The following ALMS1 variants were observed in gnomAD, a reference collection of about 807,000 sequenced individuals.
ALMS1 encodes centrosome-associated protein ALMS1.
A neutral mutation model predicts 352.2 loss-of-function variants in ALMS1; 271 were observed. That is an observed-to-expected ratio of 0.77 (90% CI 0.70 to 0.85). ALMS1 has a LOEUF of 0.85. Among genes scored for constraint, ALMS1 ranks in the 40% least tolerant of loss-of-function variants. The pLI, the probability that ALMS1 is intolerant of heterozygous loss-of-function variation, is 0.00. For synonymous variants in ALMS1, 1,865 were observed against 1,761.2 expected, an observed-to-expected ratio of 1.06 and a Z score of -1.48; for missense variants, 5,445 against 4,870.7, an observed-to-expected ratio of 1.12 and a Z score of -3.51.
intron 7 of ALMS1, among the ~76,000 whole-genome samples, chr2:73,442,915 A>G (rs951643683): frequency 1.3e-5 from 2 of 152,190 alleles, no homozygotes; most frequent in African/African-American, 2.4e-5. Context: ...AATGGAGCCA[A>G]TCATCTCTTT....
Position 73,479,262 on chromosome 2 carries a change from T to C in ALMS1, c.7675-10372T>C, listed in dbSNP as rs143973635. Among the ~76,000 whole-genome samples, 108 of 152,310 alleles carry C rather than the reference T, an allele frequency of 7.1e-4. 3 individuals are homozygous for C. The East Asian group carries it at 0.019, about 27-fold the overall frequency. ...CCCAAGTGGTAACATCTTGCATAAC[T>C]GTGGTGATATATCACAACCACAACG... is the stretch of plus-strand genomic sequence containing the variant. On this transcript the variant is annotated intron_variant, in intron 9 of 22. Transcript: ENST00000613296.
chr2:73,386,073 G>A lies in ALMS1; in HGVS notation c.205G>A (p.Asp69Asn), dbSNP rs1376789016. Residue 69 changes from aspartate to asparagine, a missense_variant, in exon 1 of 23, where the codon GAC (aspartate) becomes AAC (asparagine). Physicochemically the swap from Asp to Asn is conservative, Grantham distance 23. Coordinates refer to ENST00000613296, the MANE Select transcript of ALMS1 (RefSeq NM_001378454.1). ...CGGGCCCCAGCATCTGGAAAGTATA[G>A]ACGACGAGGAGGACGAGGAGGCCAA... ...HYGPQHLESI[D>N]DEEDEEAKAW... The A allele has an allele frequency of 6.3e-7, 1 of 1,596,072 alleles. No homozygotes were observed. Among genetic ancestry groups the A allele is most frequent in the East Asian group, 2.3e-5 (1 of 43,814 alleles).
At chr2:73,390,034 G>A (rs1476798410) in intron 1 of ALMS1, among the ~76,000 whole-genome samples, 1 of 152,086 alleles carries the variant, frequency 6.6e-6, no homozygotes, top group Non-Finnish European at 1.5e-5. Context: ...ACTTCTGAGA[G>A]CCCAGAGTAT....
chr2:73,505,031 T>C (rs1460215237), intron 10 of ALMS1, among the ~76,000 whole-genome samples: 2 of 152,218 alleles, frequency 1.3e-5, no homozygotes, highest in East Asian at 1.9e-4. Context: ...GCTTCATCCA[T>C]GTCCCTCCAA....
At chr2:73,392,051 A>T (rs1172747609) in intron 1 of ALMS1, among the ~76,000 whole-genome samples, 2 of 151,624 alleles carry the variant, frequency 1.3e-5, no homozygotes, top group African/African-American at 4.8e-5. Flanking sequence ...CTCTGTGGTT[A>T]TTTTCACTTC....
chr2:73,528,245 A>G (rs1246537423), intron 11 of ALMS1, among the ~76,000 whole-genome samples: 1 of 152,104 alleles, frequency 6.6e-6, no homozygotes, highest in Non-Finnish European at 1.5e-5. Context: ...ATGTTCTGTA[A>G]ATATCTATTA....
chr2:73,391,440 C>T (rs1327091304), intron 1 of ALMS1, among the ~76,000 whole-genome samples: 1 of 151,508 alleles, frequency 6.6e-6, no homozygotes, highest in Non-Finnish European at 1.5e-5. Flanking sequence ...ACTACAGGCG[C>T]CCGCCACCAC....
At chr2:73,458,233 C>T (rs934559567) in intron 9 of ALMS1, 5 of 152,028 alleles carry the variant, frequency 3.3e-5, no homozygotes, top group Admixed American at 6.6e-5. Flanking sequence ...ATATTGGCCA[C>T]ACTGTGTACG....
At chr2:73,390,901 G>A (rs1216046846) in intron 1 of ALMS1, among the ~76,000 whole-genome samples, 1 of 152,022 alleles carries the variant, frequency 6.6e-6, no homozygotes, top group African/African-American at 2.4e-5. Flanking sequence ...CTCCGCAGTA[G>A]CTGGGACTAC....
At chr2:73,521,917 A>G (rs1002817228) in intron 11 of ALMS1, among the ~76,000 whole-genome samples, 1 of 152,174 alleles carries the variant, frequency 6.6e-6, no homozygotes, top group Non-Finnish European at 1.5e-5. Context: ...AAATTTTATG[A>G]GGTGTTTTTT....
chr2:73,444,899 AATT>A (rs1671776874), intron 7 of ALMS1, among the ~76,000 whole-genome samples: 1 of 152,182 alleles, frequency 6.6e-6, no homozygotes, highest in Non-Finnish European at 1.5e-5. Context: ...ACACAATTAT[AATT>A]ATTTAGTTAT....
At chr2:73,446,965 T>C (rs1411684140) in intron 7 of ALMS1, among the ~76,000 whole-genome samples, 1 of 152,184 alleles carries the variant, frequency 6.6e-6, no homozygotes, top group Non-Finnish European at 1.5e-5. Context: ...TCAATCATCT[T>C]AACACCATCT....
rs747436819 is a variant in ALMS1, at chr2:73,568,995, C to CTTTTTTTTT, written c.10385-3238_10385-3230dup. The stretch of plus-strand genomic sequence containing the variant: ...AGCTTGCTTGCTGCTGCTTCTGCTT[C>CTTTTTTTTT]TTTTTTTTTTTTTTTTTTTTTTTTT... On this transcript the variant is annotated intron_variant, in intron 15 of 22. Transcript: ENST00000613296. Among the ~76,000 whole-genome samples, 149 of 53,554 alleles carry CTTTTTTTTT rather than the reference C, an allele frequency of 2.8e-3. 44 individuals are homozygous for CTTTTTTTTT. The highest frequency in any genetic ancestry group is 3.5e-3 in the East Asian group (7 of 1,976). 35.1% of individuals were successfully genotyped at this position (53,554 alleles called of 152,430 possible).
At position 73,491,413 on chromosome 2, in the gene ALMS1, A is replaced by G. The variant is rs761831256; in HGVS notation, c.9454A>G (p.Ile3152Val). Residue 3152 changes from isoleucine (I) to valine (V), a missense_variant, in exon 10 of 23, where the codon ATA (isoleucine) becomes GTA (valine). By Grantham distance (29) the Ile-to-Val change is conservative (BLOSUM62 3). Coordinates refer to ENST00000613296, the MANE Select transcript of ALMS1 (RefSeq NM_001378454.1). ...AACCATACCTTCTCAGAATAGCCAG[A>G]TAGTAACCTCCAGGCAAATACAAGT... ...LKTIPSQNSQ[I>V]VTSRQIQVNI... 1.2e-5 allele frequency: 19 copies of G among 1,614,016 alleles called. No individual in the cohort carries two copies. The highest frequency in any genetic ancestry group is 1.5e-5 in the Non-Finnish European group (18 of 1,179,994).
intron 10 of ALMS1, among the ~76,000 whole-genome samples, chr2:73,507,220 G>A (rs1673346054): frequency 6.6e-6 from 1 of 152,136 alleles, no homozygotes; most frequent in Admixed American, 6.5e-5. Flanking sequence ...TGTTTATCAG[G>A]TATATTGGCC....
rs533104212 is a variant in ALMS1, at chr2:73,549,614, C to A, written c.9908-653C>A. On this transcript the variant is annotated intron_variant, in intron 12 of 22. Coordinates refer to ENST00000613296, the MANE Select transcript of ALMS1 (RefSeq NM_001378454.1). ...CTAAAATGCCTTTCTTCCTTCCTCT[C>A]TATATCAAAAAACTACTTTTTTTCC... 4.6e-5 allele frequency among the ~76,000 whole-genome samples: 7 copies of A among 152,266 alleles called. No individual in the cohort carries two copies. In the South Asian group the frequency reaches 1.2e-3, roughly 27 times the overall value.
intron 1 of ALMS1, among the ~76,000 whole-genome samples, chr2:73,399,127 A>C (rs1301646434): frequency 3.3e-5 from 5 of 152,198 alleles, no homozygotes; most frequent in African/African-American, 4.8e-5. Flanking sequence ...CTGGGATTAC[A>C]GGCGTGAGCC....
At chr2:73,524,866 C>T (rs1346232517) in intron 11 of ALMS1, among the ~76,000 whole-genome samples, 1 of 152,176 alleles carries the variant, frequency 6.6e-6, no homozygotes, top group Admixed American at 6.5e-5. Flanking sequence ...CATTAACAAT[C>T]CTCACTTCCC....
In ALMS1 at chr2:73,563,860, TAAAA is replaced by T. The variant is rs550230518; in HGVS notation, c.10384+4719_10384+4722del. 2.2e-3 allele frequency among the ~76,000 whole-genome samples: 335 copies of T among 149,192 alleles called. 1 individual carries two copies. The highest frequency in any genetic ancestry group is 3.1e-3 in the Non-Finnish European group (212 of 67,518). On this transcript the variant is annotated intron_variant, in intron 15 of 22. Transcript: ENST00000613296. ...AATTTGCTTGTAGGGAGAAAAAAAA[TAAAA>T]CAGACAACCCTAGGAAATCTTCAAA...
Sources: gnomAD v4.1 joint callset for allele counts (sites outside exome capture counted in the v4.1 genomes callset) on GRCh38, gnomAD v4.1.1 for gene constraint, MANE v1.5 for transcripts, NCBI Gene and HGNC (gene_info 2026-07-23, HGNC 2026-07-21) for gene names.